Variants in SPTAN1 observed in about 807,000 individuals in gnomAD.
SPTAN1 encodes spectrin alpha chain, non-erythrocytic 1.
Under a neutral mutation model 331.3 loss-of-function variants are expected in SPTAN1, and 61 were observed. The observed-to-expected ratio is 0.18, with a 90% confidence interval of 0.15 to 0.23. The LOEUF is 0.23. Among genes scored for constraint, SPTAN1 ranks in the 10% least tolerant of loss-of-function variants. The pLI is 1.00. For missense variants in SPTAN1, 2,043 were observed against 3,147.9 expected (o/e 0.65, Z 8.40); for synonymous variants, 1,153 against 1,173.9 (o/e 0.98, Z 0.36).
intron 51 of SPTAN1, chr9:128,628,168 G>T: frequency 1.4e-6 from 1 of 705,480 alleles, no homozygotes; most frequent in Non-Finnish European, 2.6e-6. Context: ...AGCCGTCCTT[G>T]CCTCACTGGG....
chr9:128,609,463 C>T (rs1783348633), intron 36 of SPTAN1, 179 bp downstream of exon 36: 2 of 1,082,276 alleles, frequency 1.8e-6, no homozygotes, highest in African/African-American at 1.6e-5. Flanking sequence ...TTAAAAGTTG[C>T]CTTCCTCATT....
At chr9:128,587,746 C>A in intron 20 of SPTAN1, 48 bp downstream of exon 20, 1 of 1,521,778 alleles carries the variant, frequency 6.6e-7, no homozygotes, top group Non-Finnish European at 9.1e-7. Context: ...CCTTGAAGGA[C>A]TCAGATACTG....
chr9:128,594,860 CTT>C (rs1405746144), intron 24 of SPTAN1, among the ~76,000 whole-genome samples: 4 of 101,748 alleles, frequency 3.9e-5, no homozygotes, highest in African/African-American at 7.7e-5. Context: ...CAGAGTCTCT[CTT>C]TTGTCGCCCA....
intron 9 of SPTAN1, 39 bp from the exon 10 acceptor site, chr9:128,579,598 G>T (rs749402652): frequency 2.6e-6 from 4 of 1,527,146 alleles, no homozygotes; most frequent in Non-Finnish European, 3.6e-6. Context: ...TTTGTAAGAT[G>T]CTGGGCACAA....
In SPTAN1 at chr9:128,605,456, A is replaced by G; in HGVS notation, c.4025A>G (p.Gln1342Arg). The change falls in exon 31 of 57, where the codon CAG becomes CGG. Residue 1342 changes from glutamine (Q) to arginine (R), a missense_variant. Around this residue, in one of 12 missense-constraint regions of SPTAN1, gnomAD observed 179 missense variants for 215.7 expected, o/e 0.83. Coordinates refer to ENST00000372739, the MANE Select transcript of SPTAN1 (RefSeq NM_001130438.3). ...AAGTTGGGTGACTCCCACGACCTGC[A>G]GCGCTTCCTTAGCGATTTCCGGTAC... is the stretch of plus-strand genomic sequence containing the variant. ...KAKLGDSHDL[Q>R]RFLSDFRDLM... is the part of the protein sequence containing the mutation. The G allele has an allele frequency of 6.2e-7, 1 of 1,614,212 alleles. No individual in the cohort carries two copies. The highest frequency in any genetic ancestry group is 1.1e-5 in the South Asian group (1 of 91,084).
At chr9:128,579,489 G>A (rs987910267) in intron 9 of SPTAN1, 148 bp from the exon 10 acceptor site, 15 of 676,562 alleles carry the variant, frequency 2.2e-5, no homozygotes, top group Non-Finnish European at 3.5e-5. Flanking sequence ...GACTGATTAT[G>A]TATTAGGAAA....
Position 128,609,121 on chromosome 9 carries a change from G to A in SPTAN1, c.4596-1G>A. 1 of 1,614,198 alleles carries A rather than the reference G, an allele frequency of 6.2e-7. No individual in the cohort carries two copies. Among genetic ancestry groups the A allele is most frequent in the Non-Finnish European group, 8.5e-7 (1 of 1,180,038 alleles). The stretch of plus-strand genomic sequence containing the variant: ...TGGATCTCATGGTTTCACTCTTTCA[G>A]GTGGCGACGTCTGAAAGCCCAGATG... On this transcript the variant is annotated splice_acceptor_variant, in intron 35 of 56. Coordinates refer to ENST00000372739, the MANE Select transcript of SPTAN1 (RefSeq NM_001130438.3). LOFTEE classifies it high-confidence loss of function.
chr9:128,585,645 A>C, intron 18 of SPTAN1, 103 bp from the exon 19 acceptor site: 1 of 963,040 alleles, frequency 1.0e-6, no homozygotes, highest in Non-Finnish European at 1.7e-6. Context: ...TCACCAAAAC[A>C]TAGTAATGAA....
chr9:128,613,957 A>G (rs1330633917), intron 40 of SPTAN1, among the ~76,000 whole-genome samples: 1 of 151,622 alleles, frequency 6.6e-6, no homozygotes, highest in Non-Finnish European at 1.5e-5. Flanking sequence ...GTAAGCCAAG[A>G]TCGCGCCACG....
intron 21 of SPTAN1, among the ~76,000 whole-genome samples, chr9:128,589,821 C>T (rs562514071): frequency 1.5e-3 from 228 of 152,068 alleles, no homozygotes; most frequent in African/African-American, 4.9e-3. Context: ...GTGATCCACC[C>T]GCCTCAGCCT....
intron 16 of SPTAN1, 99 bp from the exon 17 acceptor site, chr9:128,584,183 A>G (rs1483213982): frequency 6.3e-7 from 1 of 1,582,522 alleles, no homozygotes; most frequent in Admixed American, 1.7e-5. Context: ...TAGCAGAAAG[A>G]ATCCTCTCAG....
At chr9:128,564,339 A>G (rs1022074216) in intron 1 of SPTAN1, among the ~76,000 whole-genome samples, 1 of 151,934 alleles carries the variant, frequency 6.6e-6, no homozygotes, top group African/African-American at 2.4e-5. Flanking sequence ...GAATTGCTTG[A>G]ACCCGGGATG....
chr9:128,573,745 C>T (rs546949505), intron 3 of SPTAN1, among the ~76,000 whole-genome samples: 95 of 152,162 alleles, frequency 6.2e-4, no homozygotes, highest in African/African-American at 2.2e-3. Context: ...TGAGCCACTG[C>T]GCCCAGCCCT....
intron 5 of SPTAN1, among the ~76,000 whole-genome samples, chr9:128,575,787 C>T (rs1851235570): frequency 3.3e-5 from 5 of 152,148 alleles, no homozygotes; most frequent in Admixed American, 3.3e-4. Flanking sequence ...TGAATAGGCT[C>T]TCCACTCTGG....
Position 128,577,320 on chromosome 9 carries a change from A to G in SPTAN1, c.931-32A>G, listed in dbSNP as rs1408261689. 1.9e-6 allele frequency: 3 copies of G among 1,614,142 alleles called. No homozygotes were observed. ...TTCTGTAAATAAGTTACCAAGGGTC[A>G]GGAGAATAGTTCTGACGGAGTTCAT... is the stretch of plus-strand genomic sequence containing the variant. On this transcript the variant is annotated intron_variant, in intron 7 of 56. Coordinates refer to ENST00000372739, the MANE Select transcript of SPTAN1 (RefSeq NM_001130438.3). The surrounding 1 kb of genome is among the most constrained non-coding windows in gnomAD (Gnocchi z 4.2).
chr9:128,624,815 C>G, intron 46 of SPTAN1: 1 of 570,530 alleles, frequency 1.8e-6, no homozygotes. Context: ...GGGCGCCACC[C>G]AGCTCCTGGG....
intron 21 of SPTAN1, among the ~76,000 whole-genome samples, 188 bp downstream of exon 21, chr9:128,589,131 G>A (rs1853084551): frequency 6.6e-6 from 1 of 152,036 alleles, no homozygotes; most frequent in Admixed American, 6.6e-5. Context: ...AAGTTAATCT[G>A]TCTTCTTGAA....
chr9:128,594,050 A>G, intron 23 of SPTAN1, 125 bp from the exon 24 acceptor site: 4 of 865,342 alleles, frequency 4.6e-6, no homozygotes, highest in Non-Finnish European at 7.7e-6. Context: ...TTACTAGGGC[A>G]TCATCATTAC....
At chr9:128,559,619 AAT>A (rs1385990177) in intron 1 of SPTAN1, among the ~76,000 whole-genome samples, 1 of 152,164 alleles carries the variant, frequency 6.6e-6, no homozygotes, top group Non-Finnish European at 1.5e-5. Flanking sequence ...TTAGATGCAT[AAT>A]TTCTCAATGT....
Sources: gnomAD v4.1 joint callset for allele counts (sites outside exome capture counted in the v4.1 genomes callset) on GRCh38, gnomAD v4.1.1 for gene constraint, gnomAD v4.1.1 regional missense constraint, Gnocchi (gnomAD v3.1) non-coding constraint, MANE v1.5 for transcripts, NCBI Gene and HGNC (gene_info 2026-07-23, HGNC 2026-07-21) for gene names.